P2RY12: variants seen among roughly 807,000 people sequenced by gnomAD.
P2RY12 encodes the protein P2Y purinoceptor 12.
P2RY12 carries 3 observed loss-of-function variants against 4.5 expected under a neutral mutation model. The observed-to-expected ratio is 0.67, with a 90% CI of 0.31 to 1.74. P2RY12 has a LOEUF of 1.74. P2RY12 is among the 40% of genes most tolerant of loss of function. The probability of loss-of-function intolerance (pLI) is 0.09; values close to 1 mark genes in which losing one functional copy is unlikely to be tolerated. For missense variants in P2RY12, 356 were observed against 407.8 expected, an observed-to-expected ratio of 0.87 and a Z score of 1.09; for synonymous variants, 148 against 154.1, an observed-to-expected ratio of 0.96 and a Z score of 0.29.
chr3:151,372,831 C>A (rs527860062), intron 1 of P2RY12: 5 of 1,311,212 alleles, frequency 3.8e-6, no homozygotes, highest in African/African-American at 1.5e-5. Context: ...GAGCTACTTA[C>A]ACTTATAGGA....
chr3:151,350,317 G>T, intron 1 of P2RY12: 1 of 969,594 alleles, frequency 1.0e-6, no homozygotes. Context: ...TTCCCCTCCT[G>T]AATGACTCTC....
chr3:151,360,507 C>G (rs756617670), intron 1 of P2RY12: 2 of 1,612,898 alleles, frequency 1.2e-6, no homozygotes, highest in East Asian at 2.2e-5. Flanking sequence ...TCGTAAACCC[C>G]TCAGAATGTT....
At position 151,368,586 on chromosome 3, in the gene P2RY12, ATTTATTTTAT is replaced by A. The variant is rs71637017; in HGVS notation, c.-180+16096_-180+16105del. On this transcript the variant is annotated intron_variant, in intron 1 of 2. Coordinates refer to ENST00000302632, the MANE Select transcript of P2RY12 (RefSeq NM_022788.5). Reference sequence around the variant, plus strand: ...ATCACAGCAGCTTAGGGCAATGGTGATTTATTTTATTTTATTTTATTTTATTTTATTTTAT... The same window carrying A: ...ATCACAGCAGCTTAGGGCAATGGTGATTTATTTTATTTTATTTTATTTTAT... Among the ~76,000 whole-genome samples the A allele has an allele frequency of 1.1e-3, 138 of 120,788 alleles. 2 individuals carry two copies. In the East Asian group the frequency reaches 0.014, roughly 12 times the overall value. The allele number at this position is 120,788 out of a possible 152,430, so 79.2% of individuals were successfully genotyped here.
chr3:151,369,871 G>T (rs1484677118), intron 1 of P2RY12, among the ~76,000 whole-genome samples: 2 of 152,122 alleles, frequency 1.3e-5, no homozygotes, highest in African/African-American at 4.8e-5. Flanking sequence ...ATCACACTTT[G>T]TGAGAGACAG....
intron 1 of P2RY12, among the ~76,000 whole-genome samples, chr3:151,345,737 C>T (rs772734788): frequency 2.1e-4 from 32 of 151,912 alleles, no homozygotes; most frequent in Non-Finnish European, 3.7e-4. Context: ...AGGCTGGTCT[C>T]GAACTCATGA....
chr3:151,345,328 G>A (rs1275239096), intron 1 of P2RY12, among the ~76,000 whole-genome samples: 1 of 151,982 alleles, frequency 6.6e-6, no homozygotes, highest in Non-Finnish European at 1.5e-5. Context: ...GTAATTTTTG[G>A]GTGTTTATCT....
At chr3:151,373,759 T>A (rs1307372868) in intron 1 of P2RY12, among the ~76,000 whole-genome samples, 1 of 152,182 alleles carries the variant, frequency 6.6e-6, no homozygotes, top group Non-Finnish European at 1.5e-5. Flanking sequence ...CATTTGACAT[T>A]TTAAAAATAG....
chr3:151,382,759 C>T (rs1577514444), intron 1 of P2RY12: 1 of 1,594,468 alleles, frequency 6.3e-7, no homozygotes, highest in East Asian at 2.3e-5. Context: ...AGTGACATTT[C>T]TAGTATTTTC....
intron 1 of P2RY12, chr3:151,379,993 T>C: frequency 1.6e-6 from 1 of 616,424 alleles, no homozygotes; most frequent in Non-Finnish European, 2.8e-6. Context: ...TTTCAAGCAG[T>C]CTTTGGCTAT....
At chr3:151,368,676 TG>T (rs1199783962) in intron 1 of P2RY12, among the ~76,000 whole-genome samples, 1 of 76,160 alleles carries the variant, frequency 1.3e-5, no homozygotes, top group Non-Finnish European at 2.6e-5. Flanking sequence ...TTTCATTTCA[TG>T]TCATTTCATT....
chr3:151,361,810 A>G lies in P2RY12; in HGVS notation c.-179-21050T>C, dbSNP rs556362374. On this transcript the variant is annotated intron_variant, in intron 1 of 2. Transcript: ENST00000302632. The stretch of plus-strand genomic sequence containing the variant: ...TCACTCCGTTTGTCTTTCTGCTTCC[A>G]TGGCCATTCCTACTTCAAATAGCAT... Among the ~76,000 whole-genome samples, 197 of 152,194 alleles carry G rather than the reference A, an allele frequency of 1.3e-3. 1 individual carries two copies. The highest frequency in any genetic ancestry group is 0.01 in the South Asian group (50 of 4,826).
At chr3:151,356,192 G>A (rs1753895223) in intron 1 of P2RY12, among the ~76,000 whole-genome samples, 1 of 152,058 alleles carries the variant, frequency 6.6e-6, no homozygotes, top group South Asian at 2.1e-4. Context: ...TTGAATCTAG[G>A]AGTTTTAGAC....
At chr3:151,364,117 T>C (rs1272465707) in intron 1 of P2RY12, among the ~76,000 whole-genome samples, 2 of 152,146 alleles carry the variant, frequency 1.3e-5, no homozygotes, top group East Asian at 3.9e-4. Flanking sequence ...AGAGAGTGAA[T>C]GTTGTTTATG....
At chr3:151,343,906 T>A (rs1275664640) in intron 1 of P2RY12, among the ~76,000 whole-genome samples, 1 of 152,170 alleles carries the variant, frequency 6.6e-6, no homozygotes, top group African/African-American at 2.4e-5. Context: ...TTAGGCTGTT[T>A]TAGTTCCAGT....
intron 1 of P2RY12, among the ~76,000 whole-genome samples, chr3:151,378,981 G>A (rs1711717270): frequency 6.6e-6 from 1 of 152,196 alleles, no homozygotes; most frequent in African/African-American, 2.4e-5. Flanking sequence ...TGTTGAAACA[G>A]ACACTTAAAG....
chr3:151,374,229 T>C (rs2108039627), intron 1 of P2RY12, among the ~76,000 whole-genome samples: 1 of 150,380 alleles, frequency 6.6e-6, no homozygotes, highest in East Asian at 2.0e-4. Context: ...TGTCAAAAAA[T>C]GATTAATTAA....
intron 1 of P2RY12, among the ~76,000 whole-genome samples, chr3:151,378,793 TA>T (rs895352283): frequency 5.9e-5 from 9 of 152,174 alleles, no homozygotes; most frequent in African/African-American, 1.9e-4. Context: ...TTTCTTCCAT[TA>T]AAAAAATATT....
chr3:151,365,351 C>T, intron 1 of P2RY12: 2 of 640,340 alleles, frequency 3.1e-6, no homozygotes, highest in Non-Finnish European at 2.7e-6. Flanking sequence ...CCTTAATTTA[C>T]CTCTGCACTA....
At chr3:151,376,900 C>T (rs1178804320) in intron 1 of P2RY12, 3 of 1,612,438 alleles carry the variant, frequency 1.9e-6, no homozygotes, top group Admixed American at 1.7e-5. Flanking sequence ...AAGCTTATCT[C>T]TGTATGAAAT....
Sources: allele counts gnomAD v4.1 joint callset (sites outside exome capture counted in the v4.1 genomes callset), GRCh38; gene constraint gnomAD v4.1.1; transcripts MANE v1.5; gene names NCBI Gene and HGNC (gene_info 2026-07-23, HGNC 2026-07-21).